Variants in CSMD2 observed in about 807,000 individuals in gnomAD.
CSMD2 encodes CUB and sushi domain-containing protein 2.
CSMD2 carries 130 observed loss-of-function variants against 398.5 expected under a neutral mutation model. The observed-to-expected ratio is 0.33, with a 90% CI of 0.28 to 0.38. The LOEUF (loss-of-function observed/expected upper bound fraction) is 0.38. CSMD2 is among the 10% of genes least tolerant of loss of function. The pLI is 1.00. For synonymous variants in CSMD2, 1,828 were observed against 1,908.5 expected (o/e 0.96, Z 1.10); for missense variants, 3,829 against 4,764.9 (o/e 0.80, Z 5.78).
chr1:33,587,293 T>C (rs1639153545), intron 44 of CSMD2, 125 bp from the exon 45 acceptor site: 1 of 722,378 alleles, frequency 1.4e-6, no homozygotes, highest in Admixed American at 3.1e-5. Flanking sequence ...CATGAGTACT[T>C]ATCTGTAAAC....
chr1:34,077,533 G>A lies in CSMD2; in HGVS notation c.404+11444C>T, dbSNP rs534576429. Among the ~76,000 whole-genome samples, 24 of 146,896 alleles carry A rather than the reference G, an allele frequency of 1.6e-4. No homozygotes were observed. In the East Asian group the frequency reaches 4.2e-3, roughly 26 times the overall value. On this transcript the variant is annotated intron_variant, in intron 2 of 70. Coordinates refer to ENST00000373381, the MANE Select transcript of CSMD2 (RefSeq NM_001281956.2). ...GGGCGAATCATGAGGTCAAGAGATC[G>A]AGACCATCCTGGCTAACACAGTGAA...
At chr1:33,566,524 A>G (rs537223841) in intron 53 of CSMD2, among the ~76,000 whole-genome samples, 1 of 152,276 alleles carries the variant, frequency 6.6e-6, no homozygotes, top group East Asian at 1.9e-4. Context: ...AAGATGGTTA[A>G]GTTAGCTTAT....
chr1:34,080,969 A>C (rs1172870334), intron 2 of CSMD2, among the ~76,000 whole-genome samples: 1 of 128,684 alleles, frequency 7.8e-6, no homozygotes, highest in Non-Finnish European at 1.6e-5. Flanking sequence ...AAAGAAAGAA[A>C]GAAAGAAATG....
chr1:34,033,070 A>G (rs1650663111), intron 2 of CSMD2, among the ~76,000 whole-genome samples: 1 of 152,238 alleles, frequency 6.6e-6, no homozygotes, highest in African/African-American at 2.4e-5. Context: ...CCAGTAGACA[A>G]TATTTATTCA....
At position 33,567,856 on chromosome 1, in the gene CSMD2, G is replaced by A. The variant is rs1033868212; in HGVS notation, c.8132-15C>T. The A allele has an allele frequency of 1.3e-5, 21 of 1,557,604 alleles. No homozygotes were observed. Among genetic ancestry groups the A allele is most frequent in the Non-Finnish European group, 1.7e-5 (20 of 1,150,670 alleles). On this transcript the variant is annotated splice_polypyrimidine_tract_variant and intron_variant, in intron 52 of 70. Transcript: ENST00000373381. ...GGTCTGAGTGGCTAGAGACAGGGATGGTGGGGAAAAGGACCAACTATCCCA... is the reference window on the plus strand; with the variant it reads ...GGTCTGAGTGGCTAGAGACAGGGATAGTGGGGAAAAGGACCAACTATCCCA...
At chr1:33,962,100 C>A (rs1282087896) in intron 3 of CSMD2, among the ~76,000 whole-genome samples, 1 of 152,154 alleles carries the variant, frequency 6.6e-6, no homozygotes, top group Non-Finnish European at 1.5e-5. Context: ...AACATTCCAG[C>A]AAATTCATGC....
rs118071329 is a variant in CSMD2, at chr1:34,133,352, C to T, written c.187+31559G>A. Among the ~76,000 whole-genome samples, 258 of 152,246 alleles carry T rather than the reference C, an allele frequency of 1.7e-3. 5 individuals carry two copies. In the East Asian group the frequency reaches 0.037, roughly 22 times the overall value. On this transcript the variant is annotated intron_variant, in intron 1 of 70. Coordinates refer to ENST00000373381, the MANE Select transcript of CSMD2 (RefSeq NM_001281956.2). ...TTCCATTAATTCAGTCAGCCCAGGC[C>T]GGGTGTAGTAGCTCACGCCTGTAAT...
chr1:34,123,444 T>C (rs1384772009), intron 1 of CSMD2, among the ~76,000 whole-genome samples: 3 of 152,168 alleles, frequency 2.0e-5, no homozygotes, highest in African/African-American at 7.2e-5. Flanking sequence ...ATCCTTTGTA[T>C]ATCCTTTATA....
chr1:34,110,386 C>G (rs1294596699), intron 1 of CSMD2, among the ~76,000 whole-genome samples: 2 of 152,102 alleles, frequency 1.3e-5, no homozygotes, highest in Non-Finnish European at 2.9e-5. Context: ...CATAAAGACA[C>G]ACGTTTTTAT....
chr1:33,978,697 G>A (rs1003602294), intron 3 of CSMD2, among the ~76,000 whole-genome samples: 1 of 152,184 alleles, frequency 6.6e-6, no homozygotes, highest in Non-Finnish European at 1.5e-5. Context: ...AACTCAGAGT[G>A]GCTGGGATGA....
intron 29 of CSMD2, among the ~76,000 whole-genome samples, chr1:33,642,082 G>C (rs957669332): frequency 6.6e-6 from 1 of 151,990 alleles, no homozygotes; most frequent in African/African-American, 2.4e-5. Context: ...GGGCACGGTG[G>C]CTCACACCCT....
intron 15 of CSMD2, among the ~76,000 whole-genome samples, chr1:33,728,850 T>C (rs967349486): frequency 1.3e-5 from 2 of 152,208 alleles, no homozygotes; most frequent in African/African-American, 4.8e-5. Flanking sequence ...AGAAACTAAA[T>C]AATTACATAG....
chr1:34,135,611 C>T lies in CSMD2; in HGVS notation c.187+29300G>A, dbSNP rs1237604825. 2.9e-4 allele frequency among the ~76,000 whole-genome samples: 26 copies of T among 90,026 alleles called. 1 individual carries two copies. The highest frequency in any genetic ancestry group is 1.3e-4 in the Admixed American group (1 of 7,924). The allele number at this position is 90,026 out of a possible 152,430, so 59.1% of individuals were successfully genotyped here. ...CCAGCCTGGCAACAAAGCAAGACTC[C>T]ATCTCAAAAAAAAAAAAAAAAAAAA... is the stretch of plus-strand genomic sequence containing the variant. On this transcript the variant is annotated intron_variant, in intron 1 of 70. Transcript: ENST00000373381.
intron 5 of CSMD2, chr1:33,873,894 C>T (rs1002777319): frequency 3.3e-5 from 5 of 152,298 alleles, no homozygotes; most frequent in Non-Finnish European, 7.3e-5. Flanking sequence ...TCCCCAGAAA[C>T]ATTACACTCT....
At chr1:34,065,007 A>C (rs1220119794) in intron 2 of CSMD2, among the ~76,000 whole-genome samples, 1 of 152,226 alleles carries the variant, frequency 6.6e-6, no homozygotes, top group Non-Finnish European at 1.5e-5. Flanking sequence ...TATGATTCAA[A>C]TTACCTCCCA....
At chr1:33,605,256 C>G (rs759932913) in intron 42 of CSMD2, 26 bp downstream of exon 42, 1 of 1,605,148 alleles carries the variant, frequency 6.2e-7, no homozygotes, top group Non-Finnish European at 8.5e-7. Flanking sequence ...CCAGGAAGAA[C>G]TGCTGGGGAT....
In CSMD2 at chr1:33,602,393, G is replaced by T; in HGVS notation, c.6686C>A (p.Pro2229His). The part of the protein sequence containing the change: ...RLNLSLLQTE[P>H]SGDFITIWDG... ...CCAGATGGTGATGAAATCTCCAGAG[G>T]GCTCTGTCTGCAGCAGGCTGAGGTT... Residue 2229 changes from proline to histidine, a missense_variant, in exon 43 of 71, where the codon CCC becomes CAC. Pro to His is a moderately conservative substitution (Grantham distance 77, BLOSUM62 -2). This residue lies in a region of CSMD2 where 723 missense variants were observed against 758.6 expected (regional missense o/e 0.95). Coordinates refer to ENST00000373381, the MANE Select transcript of CSMD2 (RefSeq NM_001281956.2). The T allele has an allele frequency of 6.2e-7, 1 of 1,613,776 alleles. No individual in the cohort carries two copies. The highest frequency in any genetic ancestry group is 2.2e-5 in the East Asian group (1 of 44,876).
intron 2 of CSMD2, among the ~76,000 whole-genome samples, chr1:34,074,539 A>T (rs1571013129): frequency 6.6e-6 from 1 of 151,634 alleles, no homozygotes. Flanking sequence ...CTCCTTCCAC[A>T]CTCTATTAGG....
At chr1:34,071,954 C>A (rs1050751777) in intron 2 of CSMD2, among the ~76,000 whole-genome samples, 1 of 152,166 alleles carries the variant, frequency 6.6e-6, no homozygotes, top group Non-Finnish European at 1.5e-5. Flanking sequence ...AGATTTAAAT[C>A]CTCATATTGT....
Sources: gnomAD v4.1 joint callset for allele counts (sites outside exome capture counted in the v4.1 genomes callset) on GRCh38, gnomAD v4.1.1 for gene constraint, gnomAD v4.1.1 regional missense constraint, MANE v1.5 for transcripts, NCBI Gene and HGNC (gene_info 2026-07-23, HGNC 2026-07-21) for gene names.